The following FAM227B variants were observed in gnomAD, a reference collection of about 807,000 sequenced individuals.
FAM227B encodes protein FAM227B.
FAM227B carries 88 observed loss-of-function variants against 73.8 expected under a neutral mutation model. The observed-to-expected ratio is 1.19, with a 90% confidence interval of 1.00 to 1.42. The LOEUF is 1.42. FAM227B is among the 40% of genes most tolerant of loss of function. FAM227B has a pLI of 0.00. For missense variants in FAM227B, 632 were observed against 590.9 expected (o/e 1.07, Z -0.72); for synonymous variants, 210 against 190.5 (o/e 1.10, Z -0.84).
intron 11 of FAM227B, among the ~76,000 whole-genome samples, chr15:49,397,849 G>A (rs76338887): frequency 6.6e-6 from 1 of 152,054 alleles, no homozygotes; most frequent in East Asian, 1.9e-4. Context: ...TGAAGGAAGT[G>A]CTAAACACGG....
intron 13 of FAM227B, among the ~76,000 whole-genome samples, chr15:49,336,198 G>C (rs2039684448): frequency 6.6e-6 from 1 of 152,262 alleles, no homozygotes; most frequent in South Asian, 2.1e-4. Flanking sequence ...GCCTCAGTTA[G>C]CCTGGCTTCT....
chr15:49,406,110 C>T (rs2048490711), intron 11 of FAM227B, among the ~76,000 whole-genome samples: 1 of 152,178 alleles, frequency 6.6e-6, no homozygotes, highest in South Asian at 2.1e-4. Flanking sequence ...GGTTAGAAAT[C>T]CACTGTCCTG....
intron 13 of FAM227B, among the ~76,000 whole-genome samples, chr15:49,359,093 T>G (rs1193503930): frequency 6.6e-6 from 1 of 151,988 alleles, no homozygotes; most frequent in Non-Finnish European, 1.5e-5. Flanking sequence ...CAATTCAAGA[T>G]AGATTAAAGA....
chr15:49,366,546 G>T (rs1314673768), intron 13 of FAM227B: 24 of 1,571,688 alleles, frequency 1.5e-5, no homozygotes, highest in Non-Finnish European at 1.9e-5. Context: ...GACCAATGGG[G>T]GTTATAAAGC....
intron 13 of FAM227B, among the ~76,000 whole-genome samples, chr15:49,361,319 T>C (rs915763766): frequency 2.0e-5 from 3 of 152,044 alleles, no homozygotes; most frequent in African/African-American, 7.2e-5. Flanking sequence ...GTTACAGGGA[T>C]TTGTTGTACT....
rs776858988 is a variant in FAM227B, at chr15:49,611,218, A to G, written c.102T>C (p.Asn34=). ...TAAAATAAGATGCTTTACTCACCCA[A>G]TTTTGAAACTTTAAGAATTCTTCAA... The part of the protein sequence containing the change: ...KSIEEFLKFQ[N]WDYWPREIHF... The change falls in exon 3 of 16, where the codon AAT becomes AAC. Residue 34 remains asparagine, a synonymous_variant. Coordinates refer to ENST00000299338, the MANE Select transcript of FAM227B (RefSeq NM_152647.3). 1.2e-5 allele frequency: 19 copies of G among 1,582,656 alleles called. No homozygotes were observed. Among genetic ancestry groups the G allele is most frequent in the Admixed American group, 1.0e-4 (6 of 59,514 alleles).
intron 11 of FAM227B, among the ~76,000 whole-genome samples, chr15:49,480,017 G>T (rs2055779536): frequency 6.6e-6 from 1 of 152,156 alleles, no homozygotes; most frequent in South Asian, 2.1e-4. Context: ...TTATTCTTGA[G>T]CTTTTCTTGA....
chr15:49,415,578 G>GT (rs2049156811), intron 11 of FAM227B, among the ~76,000 whole-genome samples: 1 of 152,108 alleles, frequency 6.6e-6, no homozygotes, highest in African/African-American at 2.4e-5. Flanking sequence ...GTCTAAAGTT[G>GT]TATCACAATT....
At chr15:49,460,495 T>C (rs2053692218) in intron 11 of FAM227B, among the ~76,000 whole-genome samples, 1 of 152,186 alleles carries the variant, frequency 6.6e-6, no homozygotes, top group South Asian at 2.1e-4. Context: ...GTACCAGGAT[T>C]CTTTTTGAAG....
intron 11 of FAM227B, among the ~76,000 whole-genome samples, chr15:49,500,065 T>C (rs1010425336): frequency 2.0e-5 from 3 of 152,166 alleles, no homozygotes; most frequent in Non-Finnish European, 2.9e-5. Flanking sequence ...GCAAGCAACA[T>C]ACTGGGAGAA....
At chr15:49,360,599 G>A (rs2151396073) in intron 13 of FAM227B, among the ~76,000 whole-genome samples, 1 of 152,210 alleles carries the variant, frequency 6.6e-6, no homozygotes, top group Middle Eastern at 3.4e-3. Context: ...AGAATTAGCA[G>A]CTCTAAATAC....
chr15:49,477,181 C>T (rs1567353880), intron 11 of FAM227B, among the ~76,000 whole-genome samples: 1 of 151,962 alleles, frequency 6.6e-6, no homozygotes, highest in Admixed American at 6.6e-5. Flanking sequence ...ACAGATGAGC[C>T]AATATTTATT....
intron 11 of FAM227B, among the ~76,000 whole-genome samples, chr15:49,434,852 ATAAT>A (rs149612053): frequency 0.017 from 2,613 of 151,618 alleles, 94 homozygotes; most frequent in African/African-American, 0.06. Context: ...AAACTAATTA[ATAAT>A]TAATTAATAA....
chr15:49,596,312 T>C (rs912661006), intron 3 of FAM227B, among the ~76,000 whole-genome samples: 2 of 151,964 alleles, frequency 1.3e-5, no homozygotes, highest in Non-Finnish European at 1.5e-5. Flanking sequence ...ACCTTTAGCC[T>C]CCTTAAACAA....
At chr15:49,391,021 C>T (rs1379095594) in intron 11 of FAM227B, among the ~76,000 whole-genome samples, 2 of 151,904 alleles carry the variant, frequency 1.3e-5, no homozygotes, top group African/African-American at 2.4e-5. Context: ...ATGTAGTTTC[C>T]GGCAACTCAC....
At chr15:49,541,832 T>A in intron 9 of FAM227B, 26 bp from the exon 10 acceptor site, 1 of 1,324,026 alleles carries the variant, frequency 7.6e-7, no homozygotes, top group African/African-American at 1.5e-5. Flanking sequence ...CAAATTAGAT[T>A]AATTTTATAT....
At position 49,496,056 on chromosome 15, in the gene FAM227B, A is replaced by C. The variant is rs574304722; in HGVS notation, c.1012+12155T>G. Among the ~76,000 whole-genome samples, 138 of 152,158 alleles carry C rather than the reference A, an allele frequency of 9.1e-4. 5 individuals are homozygous for C. The South Asian group carries it at 0.027, about 30-fold the overall frequency. ...AAATAAATAAAATAAATAAATAAAT[A>C]ATAAAATCCAAGTAGCTCTTTATAA... is the stretch of plus-strand genomic sequence containing the variant. On this transcript the variant is annotated intron_variant, in intron 11 of 15. Transcript: ENST00000299338.
intron 11 of FAM227B, among the ~76,000 whole-genome samples, chr15:49,457,581 T>A (rs185351848): frequency 1.3e-5 from 2 of 152,062 alleles, no homozygotes; most frequent in East Asian, 3.9e-4. Context: ...CTACTTCCAT[T>A]TCTCAAGAGG....
intron 11 of FAM227B, among the ~76,000 whole-genome samples, chr15:49,489,756 CTATAGA>C (rs1382126787): frequency 8.3e-6 from 1 of 120,118 alleles, no homozygotes; most frequent in Non-Finnish European, 1.8e-5. Context: ...CTATATATAT[CTATAGA>C]TATATAGATA....
Sources: gnomAD v4.1 joint callset for allele counts (sites outside exome capture counted in the v4.1 genomes callset) on GRCh38, gnomAD v4.1.1 for gene constraint, MANE v1.5 for transcripts, NCBI Gene and HGNC (gene_info 2026-07-23, HGNC 2026-07-21) for gene names.